Variants in GRIP2 observed in about 807,000 individuals in gnomAD.
The protein encoded by GRIP2 is glutamate receptor-interacting protein 2.
A neutral mutation model predicts 108.3 loss-of-function variants in GRIP2; 58 were observed. That is an observed-to-expected ratio of 0.54 (90% CI 0.43 to 0.67). GRIP2 has a LOEUF of 0.67. Ranked by LOEUF, GRIP2 falls within the 30% of genes least tolerant of loss-of-function variation. The pLI is 0.00. For synonymous variants in GRIP2, 586 were observed against 598.2 expected (o/e 0.98, Z 0.30); for missense variants, 1,278 against 1,430.6 (o/e 0.89, Z 1.72).
chr3:14,583,506 C>T, the GRIP2 span, among the ~76,000 whole-genome samples: 1 of 152,188 alleles, frequency 6.6e-6, no homozygotes, highest in Non-Finnish European at 1.5e-5. Context: ...TGGGGCCTTC[C>T]CTGACCAGAG....
chr3:14,513,814 A>G lies in GRIP2; in HGVS notation c.1494-4T>C. On this transcript the variant is annotated splice_region_variant and splice_polypyrimidine_tract_variant and intron_variant, in intron 12 of 23. Transcript: ENST00000621039. ...CCCCACCTGCAGCAGCCCACACCTGAACCCAGGGGGCCCGGCAGAGAGAAG... is the reference window on the plus strand; with the variant it reads ...CCCCACCTGCAGCAGCCCACACCTGGACCCAGGGGGCCCGGCAGAGAGAAG... The G allele has an allele frequency of 6.2e-7, 1 of 1,611,950 alleles. No individual in the cohort carries two copies. The highest frequency in any genetic ancestry group is 8.5e-7 in the Non-Finnish European group (1 of 1,178,948).
the GRIP2 span, among the ~76,000 whole-genome samples, chr3:14,597,204 TG>T: frequency 6.6e-6 from 1 of 152,270 alleles, no homozygotes; most frequent in African/African-American, 2.4e-5. Context: ...TAATAAGCAA[TG>T]TGTAAACAGG....
intron 11 of GRIP2, among the ~76,000 whole-genome samples, chr3:14,514,937 C>T (rs1314631405): frequency 2.0e-5 from 3 of 152,192 alleles, no homozygotes; most frequent in African/African-American, 4.8e-5. Flanking sequence ...CACCACGATG[C>T]ATTTGAGAAC....
the GRIP2 span, among the ~76,000 whole-genome samples, chr3:14,561,634 C>T: frequency 1.8e-4 from 28 of 152,324 alleles, no homozygotes; most frequent in African/African-American, 6.0e-4. Context: ...CTCAGCTTCA[C>T]AAAGCTCCAG....
chr3:14,523,730 C>T, intron 4 of GRIP2, 32 bp from the exon 5 acceptor site: 5 of 1,448,644 alleles, frequency 3.5e-6, no homozygotes, highest in South Asian at 1.2e-5. Flanking sequence ...CTTTGAGTCC[C>T]TCAGTCGCAT....
At chr3:14,496,252 G>A (rs372036345) in intron 22 of GRIP2, among the ~76,000 whole-genome samples, 165 bp downstream of exon 22, 4 of 152,378 alleles carry the variant, frequency 2.6e-5, no homozygotes, top group East Asian at 1.9e-4. Context: ...ATGTGTGTGA[G>A]TGTGCATGTC....
chr3:14,505,692 C>A lies in GRIP2; in HGVS notation c.2496G>T (p.Arg832Ser). The change falls in exon 20 of 24, where the codon AGG becomes AGT. Residue 832 changes from arginine to serine, a missense_variant. Coordinates refer to ENST00000621039, the MANE Select transcript of GRIP2 (RefSeq NM_001080423.4). The surrounding 1 kb of genome is among the most constrained non-coding windows in gnomAD (Gnocchi z 4.2). ...RGSPPPTEPR[R>S]TSYTPTPADE... ...CAGCTGGGGTTGGGGTATAGCTCGT[C>A]CTCCGGGGCTCGGTGGGTGGGGGGC... The A allele has an allele frequency of 6.2e-7, 1 of 1,602,002 alleles. No homozygotes were observed. The highest frequency in any genetic ancestry group is 8.5e-7 in the Non-Finnish European group (1 of 1,174,412).
upstream of GRIP2, chr3:14,540,502 C>T (rs772280963): frequency 1.5e-6 from 2 of 1,332,808 alleles, no homozygotes; most frequent in Non-Finnish European, 2.0e-6. The surrounding 1 kb of genome is among the most constrained non-coding windows in gnomAD (Gnocchi z 4.1). Context: ...GGCTCCAGGA[C>T]AGGGTCCAAC....
At chr3:14,578,177 C>G in the GRIP2 span, among the ~76,000 whole-genome samples, 1 of 152,156 alleles carries the variant, frequency 6.6e-6, no homozygotes, top group Non-Finnish European at 1.5e-5. Context: ...GCACTGTCAT[C>G]GACGAGGGCC....
At chr3:14,572,879 C>G in the GRIP2 span, 1 of 1,240,404 alleles carries the variant, frequency 8.1e-7, no homozygotes, top group Non-Finnish European at 1.2e-6. Context: ...GTTCGTACTT[C>G]TCGCAGAAAT....
chr3:14,563,626 G>A, the GRIP2 span, among the ~76,000 whole-genome samples: 65 of 152,106 alleles, frequency 4.3e-4, no homozygotes, highest in Admixed American at 3.9e-4. Context: ...GCTGCTAGAG[G>A]GAGAAGGCAG....
the GRIP2 span, among the ~76,000 whole-genome samples, chr3:14,587,005 T>C: frequency 6.6e-6 from 1 of 152,148 alleles, no homozygotes; most frequent in Non-Finnish European, 1.5e-5. Context: ...AGAGTGGCCC[T>C]GGGGAGGGGG....
At chr3:14,524,327 G>A (rs1694494198) in intron 4 of GRIP2, 66 bp downstream of exon 4, 1 of 1,536,090 alleles carries the variant, frequency 6.5e-7, no homozygotes, top group Non-Finnish European at 8.8e-7. Context: ...AGGCCCTGGT[G>A]GGGAGGTAGC....
the GRIP2 span, among the ~76,000 whole-genome samples, chr3:14,594,825 G>A: frequency 3.3e-5 from 5 of 152,204 alleles, no homozygotes; most frequent in African/African-American, 1.2e-4. Context: ...ACCTCACAGG[G>A]TTGTTATGAA....
At chr3:14,596,089 A>G in the GRIP2 span, among the ~76,000 whole-genome samples, 1 of 152,254 alleles carries the variant, frequency 6.6e-6, no homozygotes, top group Admixed American at 6.5e-5. Flanking sequence ...AGCTGCACCC[A>G]CAGGCCTGGC....
the GRIP2 span, chr3:14,573,244 C>T: frequency 1.4e-6 from 2 of 1,411,416 alleles, no homozygotes; most frequent in East Asian, 4.6e-5. Flanking sequence ...GCCAGGATGC[C>T]AAACTGGGAG....
At chr3:14,576,393 G>A in the GRIP2 span, among the ~76,000 whole-genome samples, 2 of 152,252 alleles carry the variant, frequency 1.3e-5, no homozygotes, top group African/African-American at 4.8e-5. Context: ...CAGCTCATCA[G>A]CAGCTGAGGC....
chr3:14,571,331 C>T, the GRIP2 span, among the ~76,000 whole-genome samples: 2 of 152,248 alleles, frequency 1.3e-5, no homozygotes, highest in African/African-American at 2.4e-5. Context: ...TCTCAAGTAG[C>T]GCCCGTCAGA....
chr3:14,574,670 C>A, the GRIP2 span: 1 of 637,130 alleles, frequency 1.6e-6, no homozygotes, highest in Non-Finnish European at 3.0e-6. Context: ...TGTTTTCCGC[C>A]AGAAAGCTGG....
Sources: gnomAD v4.1 joint callset for allele counts (sites outside exome capture counted in the v4.1 genomes callset) on GRCh38, gnomAD v4.1.1 for gene constraint, Gnocchi (gnomAD v3.1) non-coding constraint, MANE v1.5 for transcripts, NCBI Gene and HGNC (gene_info 2026-07-23, HGNC 2026-07-21) for gene names.